The following CHD8 variants were observed in gnomAD, a reference collection of about 807,000 sequenced individuals.
CHD8 encodes chromodomain helicase DNA binding protein 8, also known as ATP-dependent chromatin remodeler CHD8.
In CHD8, 31 loss-of-function variants were observed where a neutral mutation model predicts 279.2. The observed-to-expected ratio is 0.11, with a 90% CI of 0.08 to 0.15. CHD8 has a LOEUF of 0.15. Among genes scored for constraint, CHD8 ranks in the 10% least tolerant of loss-of-function variants. CHD8 has a pLI of 1.00. For missense variants in CHD8, 2,146 were observed against 3,230.5 expected (o/e 0.66, Z 8.14); for synonymous variants, 1,081 against 1,139.6 (o/e 0.95, Z 1.04).
chr14:21,412,550 T>A (rs17104868), intron 10 of CHD8, among the ~76,000 whole-genome samples: 1 of 152,114 alleles, frequency 6.6e-6, no homozygotes, highest in African/African-American at 2.4e-5. Flanking sequence ...AGCGAGCCTG[T>A]AGAAGTATTT....
Position 21,397,830 on chromosome 14 carries a change from C to T in CHD8, c.5044G>A (p.Val1682Ile). Residue 1682 changes from valine to isoleucine, a missense_variant, in exon 27 of 38, where the codon GTA (valine) becomes ATA (isoleucine). This residue lies in a region of CHD8 where 75 missense variants were observed against 81.3 expected (regional missense o/e 0.92). Coordinates refer to ENST00000646647, the MANE Select transcript of CHD8 (RefSeq NM_001170629.2). ...ACAAATACTAATGCTTACCCTTCTACTATGTCAGAGAAGTTATCCAACACT... is the reference window on the plus strand; with the variant it reads ...ACAAATACTAATGCTTACCCTTCTATTATGTCAGAGAAGTTATCCAACACT... The part of the protein sequence containing the change: ...HRVLDNFSDI[V>I]EGVDFDKDCE... 2 of 1,613,520 alleles carry T rather than the reference C, an allele frequency of 1.2e-6. No homozygotes were observed. The highest frequency in any genetic ancestry group is 1.7e-6 in the Non-Finnish European group (2 of 1,179,684).
chr14:21,394,251 C>T (rs1161928998), intron 31 of CHD8, 26 bp downstream of exon 31: 4 of 1,613,696 alleles, frequency 2.5e-6, no homozygotes, highest in Admixed American at 3.3e-5. Flanking sequence ...GGCATCCATC[C>T]TCACCCACTC....
rs1281808392 is a variant in CHD8, at chr14:21,453,784, A to G, written c.-216+2248T>C. Among the ~76,000 whole-genome samples, 5 of 151,960 alleles carry G rather than the reference A, an allele frequency of 3.3e-5. 1 individual carries two copies. The highest frequency in any genetic ancestry group is 9.7e-5 in the African/African-American group (4 of 41,194). The stretch of plus-strand genomic sequence containing the variant: ...CATTTAGCATTCATCTGAATGTTAC[A>G]GTCCTTTCACATATGAGAATATCAA... On this transcript the variant is annotated intron_variant, in intron 1 of 37. Transcript: ENST00000646647.
rs780524988 is a variant in CHD8 at position 21,393,627 on chromosome 14, C to T, written c.6168G>A (p.Arg2056=). 2.9e-5 allele frequency: 46 copies of T among 1,613,816 alleles called. No homozygotes were observed. The South Asian group carries it at 4.7e-4, about 17-fold the overall frequency. ...SPSDTTPLVS[R]SVPPVKLEDE... is the part of the protein sequence containing the mutation. ...CCTCCAGTTTGACTGGTGGAACACT[C>T]CGGGAAACCAGAGGGGTAGTATCAG... The change falls in exon 32 of 38, where the codon CGG becomes CGA. Residue 2056 remains arginine, a synonymous_variant. Coordinates refer to ENST00000646647, the MANE Select transcript of CHD8 (RefSeq NM_001170629.2).
chr14:21,417,348 T>C (rs987653014), intron 5 of CHD8, among the ~76,000 whole-genome samples: 6 of 152,090 alleles, frequency 3.9e-5, no homozygotes, highest in African/African-American at 1.4e-4. Flanking sequence ...AGAAAAAACC[T>C]AAAGGCCCAT....
rs1005233709 is a variant in CHD8, at chr14:21,420,641, A to T, written c.1717-4734T>A. 5.9e-5 allele frequency among the ~76,000 whole-genome samples: 9 copies of T among 152,210 alleles called. 1 individual carries two copies. Among genetic ancestry groups the T allele is most frequent in the African/African-American group, 2.2e-4 (9 of 41,440 alleles). ...GGGAAAACACACAGTAGAGAAGAGT[A>T]GGTATGGAATATTAATATTTAGTGG... is the stretch of plus-strand genomic sequence containing the variant. On this transcript the variant is annotated intron_variant, in intron 5 of 37. Coordinates refer to ENST00000646647, the MANE Select transcript of CHD8 (RefSeq NM_001170629.2).
intron 13 of CHD8, 73 bp from the exon 14 acceptor site, chr14:21,407,105 C>A (rs1247363627): frequency 7.0e-6 from 9 of 1,294,658 alleles, no homozygotes; most frequent in Non-Finnish European, 9.5e-6. Context: ...GAATTACTTG[C>A]CTATATTAAG....
chr14:21,402,652 T>A lies in CHD8; in HGVS notation c.3715-149A>T. The A allele has an allele frequency of 1.3e-6, 1 of 794,724 alleles. No individual in the cohort carries two copies. The highest frequency in any genetic ancestry group is 1.9e-6 in the Non-Finnish European group (1 of 516,968). The allele number at this position is 794,724 out of a possible 1,614,324, so 49.2% of individuals were successfully genotyped here. Reference sequence around the variant, plus strand: ...CCAAGAGTCAATTTCAAGATGAAATTATCACCCCATCATGTAGACCAGGGG... The same window carrying A: ...CCAAGAGTCAATTTCAAGATGAAATAATCACCCCATCATGTAGACCAGGGG... On this transcript the variant is annotated intron_variant, in intron 18 of 37. Transcript: ENST00000646647. The surrounding 1 kb of genome is among the most constrained non-coding windows in gnomAD (Gnocchi z 4.5).
Position 21,402,920 on chromosome 14 carries a change from T to C in CHD8, c.3714+97A>G. 9.4e-7 allele frequency: 1 copy of C among 1,065,468 alleles called. No individual in the cohort carries two copies. Among genetic ancestry groups the C allele is most frequent in the Non-Finnish European group, 1.3e-6 (1 of 741,402 alleles). The allele number at this position is 1,065,468 out of a possible 1,614,324, so 66.0% of individuals were successfully genotyped here. A position where few individuals can be genotyped will look rare whatever the true frequency, so the allele number is the denominator to read the frequency against. On this transcript the variant is annotated intron_variant, in intron 18 of 37. Coordinates refer to ENST00000646647, the MANE Select transcript of CHD8 (RefSeq NM_001170629.2). This position sits in a 1 kb window ranked among gnomAD's most constrained non-coding sequence, Gnocchi z 4.5. ...CTGCCACCCTTAACTAAGGAAACAA[T>C]TCCAAACTCTGTGAAAGGTCTTTCT...
In CHD8 at chr14:21,393,506, C is replaced by T; in HGVS notation, c.6289G>A (p.Glu2097Lys). ...TTCTCTTCCTTCTCATCCTCACTCT[C>T]ATCAGTGCTGGAGCTGGAGCTGGAT... is the stretch of plus-strand genomic sequence containing the variant. ...SSSSSSSSTD[E>K]SEDEKEEKLT... The change falls in exon 32 of 38, where the codon GAG (glutamate) becomes AAG (lysine). Residue 2097 changes from glutamate to lysine, a missense_variant. Around this residue, in one of 26 missense-constraint regions of CHD8, gnomAD observed 513 missense variants for 637.6 expected, o/e 0.80. Coordinates refer to ENST00000646647, the MANE Select transcript of CHD8 (RefSeq NM_001170629.2). The T allele has an allele frequency of 1.3e-6, 2 of 1,585,656 alleles. No homozygotes were observed. The highest frequency in any genetic ancestry group is 2.3e-5 in the South Asian group (2 of 87,442).
Position 21,429,354 on chromosome 14 carries a change from A to G in CHD8, c.844-19T>C. On this transcript the variant is annotated intron_variant, in intron 2 of 37. Transcript: ENST00000646647. Reference sequence around the variant, plus strand: ...ATTCACCCTAAAGTGAAGAAAGGAAATTGCAAGAGTACAACATTAAAGAAT... The same window carrying G: ...ATTCACCCTAAAGTGAAGAAAGGAAGTTGCAAGAGTACAACATTAAAGAAT... 1 of 1,601,614 alleles carries G rather than the reference A, an allele frequency of 6.2e-7. No homozygotes were observed. Among genetic ancestry groups the G allele is most frequent in the South Asian group, 1.1e-5 (1 of 90,686 alleles).
intron 11 of CHD8, among the ~76,000 whole-genome samples, chr14:21,409,236 T>A (rs1197018876): frequency 6.6e-6 from 1 of 152,218 alleles, no homozygotes; most frequent in Non-Finnish European, 1.5e-5. Flanking sequence ...AACCTAAGCA[T>A]TCATGTGAAA....
chr14:21,404,641 A>C (rs1348824326), intron 16 of CHD8, among the ~76,000 whole-genome samples: 1 of 152,124 alleles, frequency 6.6e-6, no homozygotes, highest in Non-Finnish European at 1.5e-5. Context: ...GCTAGCTTCA[A>C]ACTCATGGGC....
Position 21,385,464 on chromosome 14 carries a change from A to G in CHD8, c.*149T>C. The G allele has an allele frequency of 1.7e-6, 2 of 1,194,784 alleles. No individual in the cohort carries two copies. Among genetic ancestry groups the G allele is most frequent in the African/African-American group, 1.6e-5 (1 of 64,354 alleles). The allele number at this position is 1,194,784 out of a possible 1,614,324, so 74.0% of individuals were successfully genotyped here. ...AATCCTCTCATAATTGGGAGCAATC[A>G]GGTACATTTTTTTTTTTTTTTCCTT... is the stretch of plus-strand genomic sequence containing the variant. On this transcript the variant is annotated 3_prime_UTR_variant, in exon 38 of 38. Transcript: ENST00000646647.
intron 7 of CHD8, 125 bp downstream of exon 7, chr14:21,415,449 A>G (rs1227057318): frequency 1.3e-5 from 6 of 461,232 alleles, no homozygotes; most frequent in East Asian, 8.9e-5. Context: ...TGCTACGATC[A>G]TATCTATGAA....
Position 21,386,024 on chromosome 14 carries a change from G to A in CHD8, c.7335C>T (p.Asn2445=), listed in dbSNP as rs753603456. 9.8e-5 allele frequency: 156 copies of A among 1,596,576 alleles called. No homozygotes were observed. The highest frequency in any genetic ancestry group is 1.2e-4 in the Non-Finnish European group (141 of 1,171,460). ...GGCCACTACTGCTGTGTTGGAACGT[G>A]TTATGCAGAGATAGAGACCCAGTGC... is the stretch of plus-strand genomic sequence containing the variant. The part of the protein sequence containing the change: ...GGSTGSLSLH[N]TFQHSSSGLQ... Residue 2445 remains asparagine, a synonymous_variant, in exon 38 of 38, where the codon AAC becomes AAT. Transcript: ENST00000646647.
intron 37 of CHD8, 98 bp downstream of exon 37, chr14:21,390,849 G>T: frequency 1.5e-6 from 1 of 682,936 alleles, no homozygotes. Context: ...ACAAACATAG[G>T]AAAAAAGATA....
chr14:21,427,814 G>C, intron 4 of CHD8, 55 bp downstream of exon 4: 1 of 1,579,100 alleles, frequency 6.3e-7, no homozygotes, highest in Non-Finnish European at 8.6e-7. Flanking sequence ...ATAGCAAGGA[G>C]TACTCACTTG....
intron 2 of CHD8, 102 bp from the exon 3 acceptor site, chr14:21,429,437 G>A (rs1205324631): frequency 8.5e-7 from 1 of 1,181,546 alleles, no homozygotes; most frequent in Non-Finnish European, 1.3e-6. Flanking sequence ...AAAAACTACA[G>A]GTCAGAAGAC....
Sources: gnomAD v4.1 joint callset for allele counts (sites outside exome capture counted in the v4.1 genomes callset) on GRCh38, gnomAD v4.1.1 for gene constraint, gnomAD v4.1.1 regional missense constraint, Gnocchi (gnomAD v3.1) non-coding constraint, MANE v1.5 for transcripts, NCBI Gene and HGNC (gene_info 2026-07-23, HGNC 2026-07-21) for gene names.